Variants in SERINC5 observed in about 807,000 individuals in gnomAD.
SERINC5 encodes chromosome 5 open reading frame 12.
Under a neutral mutation model 63.1 loss-of-function variants are expected in SERINC5, and 41 were observed. The ratio of observed to expected loss-of-function variants is 0.65; its 90% confidence interval spans 0.51 to 0.84. The LOEUF (loss-of-function observed/expected upper bound fraction) is 0.84. Ranked by LOEUF, SERINC5 falls within the 40% of genes least tolerant of loss-of-function variation. The probability of loss-of-function intolerance (pLI) is 0.00; values close to 1 mark genes in which losing one functional copy is unlikely to be tolerated. For missense variants in SERINC5, 523 were observed against 573.0 expected, an observed-to-expected ratio of 0.91 and a Z score of 0.89; for synonymous variants, 222 against 215.2, an observed-to-expected ratio of 1.03 and a Z score of -0.28.
intron 1 of SERINC5, among the ~76,000 whole-genome samples, chr5:80,220,466 T>C (rs1013822004): frequency 1.3e-5 from 2 of 152,186 alleles, no homozygotes; most frequent in Non-Finnish European, 2.9e-5. Context: ...TCTTAATTAC[T>C]GTTATTTGTT....
Position 80,237,121 on chromosome 5 carries a change from C to T in SERINC5, c.27+18775G>A, listed in dbSNP as rs533737292. The stretch of plus-strand genomic sequence containing the variant: ...GGATTACAGGCATGAGCCACTGCGC[C>T]CGGCCCCAGTGTTTCTTTTCTGGGC... On this transcript the variant is annotated intron_variant, in intron 1 of 11. Coordinates refer to ENST00000507668, the MANE Select transcript of SERINC5 (RefSeq NM_001174072.3). Among the ~76,000 whole-genome samples the T allele has an allele frequency of 3.3e-5, 5 of 152,270 alleles. No homozygotes were observed. The South Asian group carries it at 1.0e-3, about 32-fold the overall frequency.
At chr5:80,203,641 T>C (rs946666998) in intron 1 of SERINC5, among the ~76,000 whole-genome samples, 2 of 152,116 alleles carry the variant, frequency 1.3e-5, no homozygotes, top group Admixed American at 6.5e-5. Context: ...GCAAAAGTAA[T>C]TGTGGTTTTT....
chr5:80,209,488 G>A (rs1252753683), intron 1 of SERINC5, among the ~76,000 whole-genome samples: 6 of 152,156 alleles, frequency 3.9e-5, no homozygotes, highest in African/African-American at 1.4e-4. Context: ...TTTCTGTTGG[G>A]TAAGCCACCC....
chr5:80,224,806 A>C (rs1751090058), intron 1 of SERINC5, among the ~76,000 whole-genome samples: 1 of 151,026 alleles, frequency 6.6e-6, no homozygotes, highest in African/African-American at 2.4e-5. Context: ...TTGTATTTTT[A>C]GTAGAGACGG....
chr5:80,210,571 T>C (rs1044262165), intron 1 of SERINC5, among the ~76,000 whole-genome samples: 1 of 152,058 alleles, frequency 6.6e-6, no homozygotes, highest in Admixed American at 6.6e-5. Flanking sequence ...CTTCATTACC[T>C]AGAATTTCCA....
At chr5:80,135,820 A>G (rs1315770119), downstream of SERINC5, among the ~76,000 whole-genome samples, 2 of 151,508 alleles carry the variant, frequency 1.3e-5, no homozygotes, top group African/African-American at 4.9e-5. Flanking sequence ...AGATAGCACA[A>G]TCAAAAATCA....
At chr5:80,161,013 T>TACGTGTATATATATACAC (rs1554061891) in intron 7 of SERINC5, among the ~76,000 whole-genome samples, 5,565 of 147,344 alleles carry the variant, frequency 0.038, 166 homozygotes, top group Non-Finnish European at 0.06. Context: ...CGTGTATATA[T>TACGTGTATATATATACAC]ACGTGTATAT....
intron 1 of SERINC5, among the ~76,000 whole-genome samples, chr5:80,246,017 A>G (rs1043464539): frequency 6.6e-6 from 1 of 151,952 alleles, no homozygotes; most frequent in Non-Finnish European, 1.5e-5. Flanking sequence ...AAGTCCAACA[A>G]AGTCCTAGAG....
At chr5:80,227,804 G>T (rs1224005553) in intron 1 of SERINC5, among the ~76,000 whole-genome samples, 1 of 152,000 alleles carries the variant, frequency 6.6e-6, no homozygotes, top group African/African-American at 2.4e-5. Context: ...AGCCAAGATA[G>T]TGCCACTGCA....
At chr5:80,127,203 G>A (rs1175333050) in intron 11 of SERINC5, among the ~76,000 whole-genome samples, 2 of 152,202 alleles carry the variant, frequency 1.3e-5, no homozygotes, top group African/African-American at 2.4e-5. Context: ...TGTGGTTTGA[G>A]GTGTCCCTTC....
intron 1 of SERINC5, among the ~76,000 whole-genome samples, chr5:80,210,566 T>C (rs1178333668): frequency 6.6e-6 from 1 of 152,108 alleles, no homozygotes; most frequent in East Asian, 1.9e-4. Context: ...AATACCTTCA[T>C]TACCTAGAAT....
chr5:80,205,910 AAATAC>A (rs951817256), intron 1 of SERINC5, among the ~76,000 whole-genome samples: 21 of 149,408 alleles, frequency 1.4e-4, no homozygotes, highest in Non-Finnish European at 2.8e-4. Context: ...CGTCTCTACT[AAATAC>A]AAAACAAAAC....
At chr5:80,213,206 A>C (rs1750514067) in intron 1 of SERINC5, among the ~76,000 whole-genome samples, 2 of 137,862 alleles carry the variant, frequency 1.5e-5, no homozygotes, top group Admixed American at 8.6e-5. Flanking sequence ...AGATCGCGCC[A>C]CTGTACTCCA....
chr5:80,116,123 T>C (rs1744314096), intron 11 of SERINC5: 1 of 360,364 alleles, frequency 2.8e-6, no homozygotes. Flanking sequence ...GCTGCAGCAA[T>C]GCAAAAATAG....
Position 80,213,245 on chromosome 5 carries a change from C to CAAAAAAAAAAAA in SERINC5, c.28-10193_28-10192insTTTTTTTTTTTT, listed in dbSNP as rs57289084. On this transcript the variant is annotated intron_variant, in intron 1 of 11. Coordinates refer to ENST00000507668, the MANE Select transcript of SERINC5 (RefSeq NM_001174072.3). ...TGGGCAACAGGGCAAGACTGCATCT[C>CAAAAAAAAAAAA]AAAGAAAGAAAAAAGAAAGCTAAAG... 1.6e-4 allele frequency among the ~76,000 whole-genome samples: 21 copies of CAAAAAAAAAAAA among 132,664 alleles called. 4 individuals carry two copies. Among genetic ancestry groups the CAAAAAAAAAAAA allele is most frequent in the South Asian group, 2.3e-4 (1 of 4,302 alleles). 87.0% of individuals were successfully genotyped at this position (132,664 alleles called of 152,430 possible). A position where few individuals can be genotyped will look rare whatever the true frequency, so the allele number is the denominator to read the frequency against.
chr5:80,174,178 T>TG (rs1429304081), intron 5 of SERINC5, among the ~76,000 whole-genome samples: 1 of 151,810 alleles, frequency 6.6e-6, no homozygotes, highest in Non-Finnish European at 1.5e-5. Flanking sequence ...CTGGGCGACG[T>TG]GGCGAAATCC....
chr5:80,232,769 C>T lies in SERINC5; in HGVS notation c.27+23127G>A, dbSNP rs908768198. Among the ~76,000 whole-genome samples, 49 of 150,798 alleles carry T rather than the reference C, an allele frequency of 3.2e-4. 2 individuals carry two copies. Among genetic ancestry groups the T allele is most frequent in the Admixed American group, 2.7e-3 (40 of 15,090 alleles). On this transcript the variant is annotated intron_variant, in intron 1 of 11. Transcript: ENST00000507668. ...ACTGCACTCCAGCCTGGTGACAGAG[C>T]GAAACTCCATCTCAAAAAAAAAAAA... is the stretch of plus-strand genomic sequence containing the variant.
rs1296013659 is a variant in SERINC5 at position 80,203,177 on chromosome 5, A to C, written c.28-124T>G. 5.3e-6 allele frequency: 5 copies of C among 939,872 alleles called. No individual in the cohort carries two copies. The African/African-American group carries it at 8.2e-5, about 15-fold the overall frequency. 58.2% of individuals were successfully genotyped at this position (939,872 alleles called of 1,614,324 possible). A position where few individuals can be genotyped will look rare whatever the true frequency, so the allele number is the denominator to read the frequency against. ...TCGGGGGGCTGGAGGATCACTTGAG[A>C]CTAGGATCGCTTGAGACCAGAGTTC... On this transcript the variant is annotated intron_variant, in intron 1 of 11. Coordinates refer to ENST00000507668, the MANE Select transcript of SERINC5 (RefSeq NM_001174072.3).
intron 1 of SERINC5, among the ~76,000 whole-genome samples, chr5:80,238,151 G>A (rs17260346): frequency 0.11 from 15,721 of 148,094 alleles, 1,013 homozygotes; most frequent in Middle Eastern, 0.17. Flanking sequence ...TTGCAATCCC[G>A]TGGCAACCCT....
Sources: allele counts gnomAD v4.1 joint callset (sites outside exome capture counted in the v4.1 genomes callset), GRCh38; gene constraint gnomAD v4.1.1; transcripts MANE v1.5; gene names NCBI Gene and HGNC (gene_info 2026-07-23, HGNC 2026-07-21).